VAT1L: variants seen among roughly 807,000 people sequenced by gnomAD.
VAT1L encodes putative NADPH-dependent quinone oxidoreductase VAT1L.
A neutral mutation model predicts 44.1 loss-of-function variants in VAT1L; 34 were observed. The observed-to-expected ratio is 0.77, with a 90% CI of 0.59 to 1.03. The LOEUF is 1.03. Ranked by LOEUF, VAT1L falls within the 50% of genes least tolerant of loss-of-function variation. The pLI is 0.00. For missense variants in VAT1L, 615 were observed against 538.8 expected, an observed-to-expected ratio of 1.14 and a Z score of -1.40; for synonymous variants, 253 against 202.2, an observed-to-expected ratio of 1.25 and a Z score of -2.13.
At chr16:77,858,597 T>A (rs546385749) in intron 3 of VAT1L, among the ~76,000 whole-genome samples, 1 of 152,138 alleles carries the variant, frequency 6.6e-6, no homozygotes, top group Non-Finnish European at 1.5e-5. Flanking sequence ...GAGGTGCCAA[T>A]ACGTTGCTCA....
At chr16:77,855,976 A>G (rs2016854355) in intron 3 of VAT1L, among the ~76,000 whole-genome samples, 1 of 152,198 alleles carries the variant, frequency 6.6e-6, no homozygotes, top group Admixed American at 6.5e-5. Flanking sequence ...TGATTGTGCC[A>G]CTGCTCTCCA....
intron 1 of VAT1L, among the ~76,000 whole-genome samples, chr16:77,814,532 G>A (rs1290362971): frequency 9.2e-5 from 14 of 152,160 alleles, no homozygotes; most frequent in Admixed American, 7.9e-4. Flanking sequence ...GTTGAGCAGC[G>A]TAATAAGTGT....
At chr16:77,842,194 G>A (rs969873539) in intron 3 of VAT1L, among the ~76,000 whole-genome samples, 1 of 152,102 alleles carries the variant, frequency 6.6e-6, no homozygotes, top group African/African-American at 2.4e-5. Context: ...GTCTACCAAG[G>A]GCTTTCAAAA....
chr16:77,869,152 A>T (rs1341482727), intron 4 of VAT1L, among the ~76,000 whole-genome samples: 1 of 152,174 alleles, frequency 6.6e-6, no homozygotes, highest in Non-Finnish European at 1.5e-5. Context: ...GGGAAGGGAG[A>T]GGCAGTGCCT....
intron 3 of VAT1L, among the ~76,000 whole-genome samples, chr16:77,838,501 A>G (rs11866968): frequency 0.15 from 22,605 of 151,378 alleles, 1,951 homozygotes; most frequent in Non-Finnish European, 0.2. Context: ...TTTTCCTTGC[A>G]CTCACCCCCC....
rs1597080259 is a variant in VAT1L at position 77,879,964 on chromosome 16, A to G, written c.882+740A>G. Among the ~76,000 whole-genome samples the G allele has an allele frequency of 1.3e-5, 2 of 152,062 alleles. No individual in the cohort carries two copies. Among genetic ancestry groups the G allele is most frequent in the African/African-American group, 2.4e-5 (1 of 41,398 alleles). The stretch of plus-strand genomic sequence containing the variant: ...CGGAGATAGAAATGAGGACCCTATG[A>G]CCTTAACAAGATCCTGAGGTGACTT... On this transcript the variant is annotated intron_variant, in intron 6 of 8. Transcript: ENST00000302536. This position sits in a 1 kb window ranked among gnomAD's most constrained non-coding sequence, Gnocchi z 4.1.
intron 3 of VAT1L, among the ~76,000 whole-genome samples, chr16:77,842,111 T>A (rs1385635823): frequency 2.0e-5 from 3 of 152,098 alleles, no homozygotes; most frequent in Admixed American, 2.0e-4. Flanking sequence ...ATGGTCTCAA[T>A]CTCCTGACCT....
At chr16:77,824,489 C>G (rs2016494864) in intron 2 of VAT1L, among the ~76,000 whole-genome samples, 1 of 152,128 alleles carries the variant, frequency 6.6e-6, no homozygotes, top group South Asian at 2.1e-4. Context: ...GGCACGGTGG[C>G]TCACGCCTGT....
chr16:77,886,217 C>A (rs2142462745), intron 7 of VAT1L, among the ~76,000 whole-genome samples: 1 of 152,264 alleles, frequency 6.6e-6, no homozygotes, highest in Non-Finnish European at 1.5e-5. Flanking sequence ...TACAGCTAGC[C>A]TATTGCTATA....
At chr16:77,852,394 C>T (rs1355594601) in intron 3 of VAT1L, among the ~76,000 whole-genome samples, 1 of 152,222 alleles carries the variant, frequency 6.6e-6, no homozygotes, top group Non-Finnish European at 1.5e-5. Flanking sequence ...GGGATCTGAT[C>T]AGGCGTCTCG....
intron 7 of VAT1L, among the ~76,000 whole-genome samples, chr16:77,925,990 C>T (rs180851797): frequency 1.5e-3 from 228 of 152,158 alleles, no homozygotes; most frequent in Non-Finnish European, 2.2e-3. Flanking sequence ...GGGCCGGGTG[C>T]GGTGGCTCAT....
chr16:77,975,082 A>G (rs1555524086), intron 8 of VAT1L, among the ~76,000 whole-genome samples: 1 of 151,580 alleles, frequency 6.6e-6, no homozygotes, highest in Non-Finnish European at 1.5e-5. Flanking sequence ...CTGACAGAAG[A>G]GGAAACAACT....
intron 7 of VAT1L, among the ~76,000 whole-genome samples, chr16:77,926,254 A>C (rs1195769513): frequency 9.6e-6 from 1 of 103,656 alleles, no homozygotes; most frequent in Admixed American, 8.9e-5. Context: ...CTCCGTCTCA[A>C]AGTAAAAAAA....
intron 7 of VAT1L, among the ~76,000 whole-genome samples, chr16:77,897,663 C>T (rs866164829): frequency 5.9e-5 from 9 of 152,032 alleles, no homozygotes; most frequent in East Asian, 1.9e-4. Context: ...TTAGCAGAGT[C>T]GGGGTTTCAC....
At chr16:77,906,649 C>T (rs2017440052) in intron 7 of VAT1L, among the ~76,000 whole-genome samples, 1 of 152,168 alleles carries the variant, frequency 6.6e-6, no homozygotes, top group Non-Finnish European at 1.5e-5. Context: ...TACGGAAATG[C>T]AACTCAAAAC....
intron 7 of VAT1L, among the ~76,000 whole-genome samples, chr16:77,958,542 T>C (rs2018128354): frequency 6.6e-6 from 1 of 152,232 alleles, no homozygotes; most frequent in African/African-American, 2.4e-5. Flanking sequence ...CTGTGGAGCG[T>C]TGTTAACTAA....
chr16:77,807,111 C>T (rs1234640132), intron 1 of VAT1L, among the ~76,000 whole-genome samples: 3 of 152,190 alleles, frequency 2.0e-5, no homozygotes, highest in African/African-American at 4.8e-5. Flanking sequence ...CAGGAACTGC[C>T]GTGCAAAGGA....
At position 77,831,094 on chromosome 16, in the gene VAT1L, C is replaced by T. The variant is rs138168397; in HGVS notation, c.579+5633C>T. Among the ~76,000 whole-genome samples the T allele has an allele frequency of 7.6e-3, 1,162 of 152,306 alleles. 17 individuals are homozygous for T. The highest frequency in any genetic ancestry group is 0.027 in the African/African-American group (1,119 of 41,556). ...AGCAACATTTCATGGGCAGAGTTAT[C>T]ATCTACTGAAGGCTGGGTTGTTTGG... On this transcript the variant is annotated intron_variant, in intron 3 of 8. Transcript: ENST00000302536.
intron 2 of VAT1L, among the ~76,000 whole-genome samples, chr16:77,819,074 G>A (rs1359109035): frequency 6.6e-6 from 1 of 152,134 alleles, no homozygotes; most frequent in East Asian, 1.9e-4. Context: ...TCTGGACTCT[G>A]AGACTGGAGC....
Sources: gnomAD v4.1 joint callset for allele counts (sites outside exome capture counted in the v4.1 genomes callset) on GRCh38, gnomAD v4.1.1 for gene constraint, Gnocchi (gnomAD v3.1) non-coding constraint, MANE v1.5 for transcripts, NCBI Gene and HGNC (gene_info 2026-07-23, HGNC 2026-07-21) for gene names.